The following HAUS6 variants were observed in gnomAD, a reference collection of about 807,000 sequenced individuals.
HAUS6 encodes HAUS augmin-like complex subunit 6.
A neutral mutation model predicts 106.8 loss-of-function variants in HAUS6; 80 were observed. That is an observed-to-expected ratio of 0.75 (90% CI 0.63 to 0.90). The LOEUF (loss-of-function observed/expected upper bound fraction) is 0.90, where lower values mean the gene tolerates loss of function less well. HAUS6 is among the 40% of genes least tolerant of loss of function. The pLI is 0.00. For missense variants in HAUS6, 1,155 were observed against 1,118.1 expected, an observed-to-expected ratio of 1.03 and a Z score of -0.47; for synonymous variants, 356 against 379.1, an observed-to-expected ratio of 0.94 and a Z score of 0.71.
At chr9:19,098,803 AC>A (rs1163519211) in intron 1 of HAUS6, among the ~76,000 whole-genome samples, 1 of 152,096 alleles carries the variant, frequency 6.6e-6, no homozygotes, top group Non-Finnish European at 1.5e-5. Flanking sequence ...CAGGTGGATC[AC>A]CTGAGGTCGG....
In HAUS6 at chr9:19,055,081, C is replaced by A. The variant is rs1836439909; in HGVS notation, c.*1262G>T. On this transcript the variant is annotated 3_prime_UTR_variant, in exon 17 of 17. Coordinates refer to ENST00000380502, the MANE Select transcript of HAUS6 (RefSeq NM_017645.5). Reference sequence around the variant, plus strand: ...TGTCTTTTCTCACAAAAAGATGGGTCTTCACACTGGGACAGGACAACCAAC... The same window carrying A: ...TGTCTTTTCTCACAAAAAGATGGGTATTCACACTGGGACAGGACAACCAAC... 1 of 152,162 alleles carries A rather than the reference C, an allele frequency of 6.6e-6. No individual in the cohort carries two copies. The highest frequency in any genetic ancestry group is 2.1e-4 in the South Asian group (1 of 4,832). 9.4% of individuals were successfully genotyped at this position (152,162 alleles called of 1,614,324 possible). A position where few individuals can be genotyped will look rare whatever the true frequency, so the allele number is the denominator to read the frequency against.
intron 16 of HAUS6, 70 bp downstream of exon 16, chr9:19,057,891 G>A (rs549342229): frequency 4.8e-6 from 4 of 829,922 alleles, no homozygotes; most frequent in East Asian, 2.6e-5. Flanking sequence ...CATTCTTTGT[G>A]TACTGGTTTT....
intron 12 of HAUS6, among the ~76,000 whole-genome samples, chr9:19,066,778 G>C (rs1026233137): frequency 8.4e-5 from 12 of 143,518 alleles, no homozygotes; most frequent in African/African-American, 2.9e-4. Context: ...AGGATCACCT[G>C]AGCTCAGAAG....
At chr9:19,095,832 T>G (rs1817849329) in intron 2 of HAUS6, among the ~76,000 whole-genome samples, 2 of 152,142 alleles carry the variant, frequency 1.3e-5, no homozygotes, top group Non-Finnish European at 2.9e-5. Flanking sequence ...TTTTATCTCC[T>G]TCTTAAACTA....
At position 19,093,193 on chromosome 9, in the gene HAUS6, T is replaced by C; in HGVS notation, c.414A>G (p.Lys138=). ...MYHFARFVAM[K]YIKSNSKNSS... is the part of the protein sequence containing the mutation. ...TACTTTTAGAATTGGATTTAATATATTTCATTGCAACAAATCTTGCAAAAT... is the reference window on the plus strand; with the variant it reads ...TACTTTTAGAATTGGATTTAATATACTTCATTGCAACAAATCTTGCAAAAT... Residue 138 remains lysine (K), a synonymous_variant, in exon 4 of 17, where the codon AAA becomes AAG. Transcript: ENST00000380502. 1.3e-6 allele frequency: 2 copies of C among 1,591,550 alleles called. No homozygotes were observed. Among genetic ancestry groups the C allele is most frequent in the South Asian group, 1.1e-5 (1 of 88,534 alleles).
Position 19,063,788 on chromosome 9 carries a change from T to C in HAUS6, c.1377-208A>G, listed in dbSNP as rs145055829. On this transcript the variant is annotated intron_variant, in intron 12 of 16. Transcript: ENST00000380502. ...CCCAATTTGTGTATCAGCCTCCCAA[T>C]TATGAAGACTTTACTTACCACATAC... is the stretch of plus-strand genomic sequence containing the variant. 2,049 of 725,036 alleles carry C rather than the reference T, an allele frequency of 2.8e-3. 12 individuals are homozygous for C. Among genetic ancestry groups the C allele is most frequent in the Middle Eastern group, 0.018 (74 of 4,188 alleles). 44.9% of individuals were successfully genotyped at this position (725,036 alleles called of 1,614,324 possible). A position where few individuals can be genotyped will look rare whatever the true frequency, so the allele number is the denominator to read the frequency against.
rs566668150 is a variant in HAUS6, at chr9:19,083,149, T to C, written c.700-106A>G. ...GTAACAAATTTCCTAGAATGATTTCTAGTAAGAAAATTAAATAATTATACT... is the reference window on the plus strand; with the variant it reads ...GTAACAAATTTCCTAGAATGATTTCCAGTAAGAAAATTAAATAATTATACT... On this transcript the variant is annotated intron_variant, in intron 7 of 16. Coordinates refer to ENST00000380502, the MANE Select transcript of HAUS6 (RefSeq NM_017645.5). The C allele has an allele frequency of 2.1e-5, 11 of 524,632 alleles. No homozygotes were observed. The East Asian group carries it at 3.1e-4, about 15-fold the overall frequency. The allele number at this position is 524,632 out of a possible 1,614,324, so 32.5% of individuals were successfully genotyped here. A position where few individuals can be genotyped will look rare whatever the true frequency, so the allele number is the denominator to read the frequency against.
rs1446204949 is a variant in HAUS6 at position 19,096,715 on chromosome 9, C to CA, written c.182dup (p.Leu61PhefsTer22). 6.4e-7 allele frequency: 1 copy of CA among 1,560,952 alleles called. No homozygotes were observed. Among genetic ancestry groups the CA allele is most frequent in the South Asian group, 1.2e-5 (1 of 84,322 alleles). ...TGAGAGACTGGTCCAGAACTTGAAACAAAAAATAAGAAATTATATGAAAGG... is the reference window on the plus strand; with the variant it reads ...TGAGAGACTGGTCCAGAACTTGAAACAAAAAAATAAGAAATTATATGAAAGG... On this transcript the variant is annotated frameshift_variant, in exon 2 of 17. Transcript: ENST00000380502. LOFTEE classifies it high-confidence loss of function.
At chr9:19,063,974 T>A (rs547954070) in intron 12 of HAUS6, among the ~76,000 whole-genome samples, 3 of 149,672 alleles carry the variant, frequency 2.0e-5, no homozygotes, top group Admixed American at 2.0e-4. Context: ...TATTTTATTT[T>A]TTTTTTTTTT....
chr9:19,094,302 A>C lies in HAUS6; in HGVS notation c.303+15T>G. Reference sequence around the variant, plus strand: ...CTTCTTAAAGTCTGTATCTTCTAACAAAAAGAATACTTACAGAAATCCTTT... The same window carrying C: ...CTTCTTAAAGTCTGTATCTTCTAACCAAAAGAATACTTACAGAAATCCTTT... On this transcript the variant is annotated intron_variant, in intron 3 of 16. Transcript: ENST00000380502. 6.7e-7 allele frequency: 1 copy of C among 1,488,744 alleles called. No individual in the cohort carries two copies. Among genetic ancestry groups the C allele is most frequent in the South Asian group, 1.2e-5 (1 of 84,920 alleles). The allele number at this position is 1,488,744 out of a possible 1,614,324, so 92.2% of individuals were successfully genotyped here. A position where few individuals can be genotyped will look rare whatever the true frequency, so the allele number is the denominator to read the frequency against.
chr9:19,086,882 AC>A (rs1200056415), intron 6 of HAUS6, 100 bp from the exon 7 acceptor site: 1 of 645,836 alleles, frequency 1.5e-6, no homozygotes, highest in Non-Finnish European at 2.8e-6. Flanking sequence ...ACCAACAACC[AC>A]CCCAACAAAA....
intron 12 of HAUS6, among the ~76,000 whole-genome samples, chr9:19,065,996 C>T (rs1050055650): frequency 6.2e-5 from 9 of 145,994 alleles, no homozygotes; most frequent in East Asian, 2.1e-4. Context: ...AGTGCAGTGG[C>T]GGGATCCTGG....
intron 7 of HAUS6, among the ~76,000 whole-genome samples, chr9:19,085,672 C>G (rs1311600835): frequency 6.6e-6 from 1 of 151,790 alleles, no homozygotes; most frequent in Non-Finnish European, 1.5e-5. Flanking sequence ...AAGCCAAACT[C>G]TGGAGGCCTC....
intron 12 of HAUS6, among the ~76,000 whole-genome samples, chr9:19,064,204 T>C (rs992789644): frequency 6.6e-6 from 1 of 152,134 alleles, no homozygotes; most frequent in African/African-American, 2.4e-5. Flanking sequence ...CGACCTCAGG[T>C]GATCCGCCCA....
intron 11 of HAUS6, among the ~76,000 whole-genome samples, chr9:19,071,814 C>A (rs1055385021): frequency 6.6e-6 from 1 of 152,068 alleles, no homozygotes; most frequent in Non-Finnish European, 1.5e-5. Context: ...AAGCAATCCT[C>A]CTGCCTCAGG....
intron 12 of HAUS6, among the ~76,000 whole-genome samples, chr9:19,069,946 T>C (rs1486836487): frequency 6.6e-6 from 1 of 152,024 alleles, no homozygotes; most frequent in Non-Finnish European, 1.5e-5. Context: ...TTCCTTTTAG[T>C]ACAGACAGGG....
At chr9:19,081,848 T>G (rs1185738204) in intron 8 of HAUS6, among the ~76,000 whole-genome samples, 1 of 151,862 alleles carries the variant, frequency 6.6e-6, no homozygotes, top group Non-Finnish European at 1.5e-5. Flanking sequence ...GAGGATCATT[T>G]GAGGTCAGGA....
At position 19,072,063 on chromosome 9, in the gene HAUS6, G is replaced by T. The variant is rs905638079; in HGVS notation, c.1295-1763C>A. ...AAATCAGCTGGGCATGGTGGCACAT[G>T]CCTGTAATCCCAGCTACTTGGAAGC... On this transcript the variant is annotated intron_variant, in intron 11 of 16. Transcript: ENST00000380502. Among the ~76,000 whole-genome samples, 5 of 151,998 alleles carry T rather than the reference G, an allele frequency of 3.3e-5. No individual in the cohort carries two copies. In the East Asian group the frequency reaches 9.7e-4, roughly 30 times the overall value.
chr9:19,094,305 A>T lies in HAUS6; in HGVS notation c.303+12T>A. On this transcript the variant is annotated intron_variant, in intron 3 of 16. Coordinates refer to ENST00000380502, the MANE Select transcript of HAUS6 (RefSeq NM_017645.5). ...CTTAAAGTCTGTATCTTCTAACAAAAAGAATACTTACAGAAATCCTTTTTA... is the reference window on the plus strand; with the variant it reads ...CTTAAAGTCTGTATCTTCTAACAAATAGAATACTTACAGAAATCCTTTTTA... The T allele has an allele frequency of 1.3e-6, 2 of 1,505,840 alleles. No homozygotes were observed. Among genetic ancestry groups the T allele is most frequent in the Non-Finnish European group, 1.8e-6 (2 of 1,090,818 alleles). The allele number at this position is 1,505,840 out of a possible 1,614,324, so 93.3% of individuals were successfully genotyped here. A position where few individuals can be genotyped will look rare whatever the true frequency, so the allele number is the denominator to read the frequency against.
Sources: gnomAD v4.1 joint callset for allele counts (sites outside exome capture counted in the v4.1 genomes callset) on GRCh38, gnomAD v4.1.1 for gene constraint, MANE v1.5 for transcripts, NCBI Gene and HGNC (gene_info 2026-07-23, HGNC 2026-07-21) for gene names.